Variants in CCDC73 observed in about 807,000 individuals in gnomAD.
CCDC73 encodes coiled-coil domain-containing protein 73.
CCDC73 carries 95 observed loss-of-function variants against 116.5 expected under a neutral mutation model. The ratio of observed to expected loss-of-function variants is 0.82; its 90% confidence interval spans 0.69 to 0.97. The LOEUF (loss-of-function observed/expected upper bound fraction) is 0.97, where lower values mean the gene tolerates loss of function less well. Among genes scored for constraint, CCDC73 ranks in the 50% least tolerant of loss-of-function variants. The probability of loss-of-function intolerance (pLI) is 0.00; values close to 1 mark genes in which losing one functional copy is unlikely to be tolerated. For missense variants in CCDC73, 1,066 were observed against 1,206.8 expected (o/e 0.88, Z 1.73); for synonymous variants, 398 against 401.3 (o/e 0.99, Z 0.10).
Position 32,683,564 on chromosome 11 carries a change from T to C in CCDC73, c.401A>G (p.Tyr134Cys). ...ETLKALQVSK[Y>C]SLQKKVSEME... ...TTCACTCACTTTCTTCTGTAAAGAG[T>C]ATTTAGAAACCTTGAAAAATAAGGG... Residue 134 changes from tyrosine to cysteine, a missense_variant, in exon 7 of 18, where the codon TAC (tyrosine) becomes TGC (cysteine). Coordinates refer to ENST00000335185, the MANE Select transcript of CCDC73 (RefSeq NM_001008391.4). 6.6e-7 allele frequency: 1 copy of C among 1,508,586 alleles called. No homozygotes were observed. The highest frequency in any genetic ancestry group is 9.2e-7 in the Non-Finnish European group (1 of 1,091,104). 93.5% of individuals were successfully genotyped at this position (1,508,586 alleles called of 1,614,324 possible).
chr11:32,739,625 A>T (rs1850166030), intron 2 of CCDC73, among the ~76,000 whole-genome samples: 1 of 152,158 alleles, frequency 6.6e-6, no homozygotes. Context: ...CAAATAGAAG[A>T]TCATATCATC....
intron 6 of CCDC73, among the ~76,000 whole-genome samples, chr11:32,698,174 G>C (rs369130965): frequency 6.6e-6 from 1 of 151,626 alleles, no homozygotes; most frequent in African/African-American, 2.4e-5. Context: ...ACAGGCGCCC[G>C]CCACCACGCC....
At chr11:32,795,919 A>ACCTGAACT (rs2133412922), upstream of CCDC73, among the ~76,000 whole-genome samples, 1 of 152,232 alleles carries the variant, frequency 6.6e-6, no homozygotes, top group South Asian at 2.1e-4. Flanking sequence ...TGAACTCCTG[A>ACCTGAACT]CCTCAGGTGA....
At chr11:32,733,007 C>T (rs1472918731) in intron 2 of CCDC73, among the ~76,000 whole-genome samples, 2 of 152,152 alleles carry the variant, frequency 1.3e-5, no homozygotes, top group Non-Finnish European at 2.9e-5. Context: ...CATCAGCTTG[C>T]TGTATTCAGG....
intron 2 of CCDC73, among the ~76,000 whole-genome samples, chr11:32,753,881 G>C (rs1295717298): frequency 6.6e-6 from 1 of 152,138 alleles, no homozygotes; most frequent in East Asian, 1.9e-4. Flanking sequence ...CAAAGTGCTA[G>C]GATTACAGGT....
chr11:32,762,783 G>C (rs1179863177), intron 1 of CCDC73, among the ~76,000 whole-genome samples: 9 of 152,186 alleles, frequency 5.9e-5, no homozygotes, highest in African/African-American at 2.2e-4. Flanking sequence ...CCGAGTGAGA[G>C]TGGAAGCAGG....
rs190580757 is a variant in CCDC73 at position 32,608,054 on chromosome 11, G to A, written c.3030+3078C>T. On this transcript the variant is annotated intron_variant, in intron 17 of 17. Transcript: ENST00000335185. ...CCCACGATTCTATTACCTCCCACCA[G>A]GTTCCTCCCACAACACGTGGGAATT... Among the ~76,000 whole-genome samples the A allele has an allele frequency of 2.7e-3, 404 of 152,194 alleles. 1 individual carries two copies. Among genetic ancestry groups the A allele is most frequent in the South Asian group, 7.3e-3 (35 of 4,822 alleles).
At chr11:32,627,703 A>G (rs1283669197) in intron 14 of CCDC73, among the ~76,000 whole-genome samples, 1 of 152,204 alleles carries the variant, frequency 6.6e-6, no homozygotes, top group Non-Finnish European at 1.5e-5. Context: ...CATCATTCTC[A>G]GCAAACTATC....
At chr11:32,802,694 G>A in the CCDC73 span, among the ~76,000 whole-genome samples, 145 of 152,238 alleles carry the variant, frequency 9.5e-4, 1 homozygote, top group African/African-American at 3.5e-3. Flanking sequence ...TACTGCTATG[G>A]AGGAGAACCT....
At chr11:32,776,643 C>T (rs1230133369) in intron 1 of CCDC73, among the ~76,000 whole-genome samples, 1 of 152,006 alleles carries the variant, frequency 6.6e-6, no homozygotes, top group Non-Finnish European at 1.5e-5. Context: ...AATAACCCTT[C>T]CATTTTCTAA....
chr11:32,783,420 G>T (rs984284429), intron 1 of CCDC73, among the ~76,000 whole-genome samples: 1 of 152,146 alleles, frequency 6.6e-6, no homozygotes, highest in Admixed American at 6.5e-5. Flanking sequence ...TGGGATCCAG[G>T]AAACAGCGGA....
chr11:32,749,367 ACT>A (rs1850267057), intron 2 of CCDC73, among the ~76,000 whole-genome samples: 3 of 149,322 alleles, frequency 2.0e-5, no homozygotes, highest in Non-Finnish European at 3.0e-5. Flanking sequence ...TTTCTGCTTG[ACT>A]CTTTTTTAAT....
At chr11:32,718,225 T>C (rs1849962415) in intron 2 of CCDC73, 78 bp from the exon 3 acceptor site, 4 of 922,238 alleles carry the variant, frequency 4.3e-6, no homozygotes, top group Non-Finnish European at 1.7e-6. Flanking sequence ...TCTGGAGAGA[T>C]ATAGAAATAG....
the CCDC73 span, among the ~76,000 whole-genome samples, chr11:32,818,537 G>T: frequency 2.0e-5 from 3 of 152,162 alleles, no homozygotes; most frequent in South Asian, 6.2e-4. Context: ...CATATGGCCT[G>T]GCAGTTCCAC....
chr11:32,636,212 T>C (rs552425482), intron 13 of CCDC73, among the ~76,000 whole-genome samples: 2 of 152,260 alleles, frequency 1.3e-5, no homozygotes, highest in East Asian at 3.9e-4. Flanking sequence ...AAAATTTATT[T>C]AAATTCATAA....
chr11:32,736,477 G>T (rs551066066), intron 2 of CCDC73, among the ~76,000 whole-genome samples: 2 of 152,336 alleles, frequency 1.3e-5, no homozygotes, highest in African/African-American at 4.8e-5. Context: ...TCTCACATCA[G>T]TTAGAACGGC....
chr11:32,653,945 T>C (rs746306886), intron 11 of CCDC73, 33 bp downstream of exon 11: 4 of 1,582,014 alleles, frequency 2.5e-6, no homozygotes, highest in Non-Finnish European at 3.4e-6. Flanking sequence ...TTTAGAATAT[T>C]TACTGGCTTC....
chr11:32,695,520 C>T (rs1856302482), intron 6 of CCDC73, among the ~76,000 whole-genome samples: 1 of 152,144 alleles, frequency 6.6e-6, no homozygotes. Flanking sequence ...TGTGTTGAGG[C>T]TTTGCAGTTT....
chr11:32,783,227 C>A (rs917085296), intron 1 of CCDC73, among the ~76,000 whole-genome samples: 1 of 151,810 alleles, frequency 6.6e-6, no homozygotes, highest in Non-Finnish European at 1.5e-5. Context: ...ATAATGGAAG[C>A]TAGAATAAAG....
Sources: gnomAD v4.1 joint callset for allele counts (sites outside exome capture counted in the v4.1 genomes callset) on GRCh38, gnomAD v4.1.1 for gene constraint, MANE v1.5 for transcripts, NCBI Gene and HGNC (gene_info 2026-07-23, HGNC 2026-07-21) for gene names.